Variants in TEX26 observed in about 807,000 individuals in gnomAD.
The protein encoded by TEX26 is testis-expressed protein 26.
A neutral mutation model predicts 35.3 loss-of-function variants in TEX26; 34 were observed. That is an observed-to-expected ratio of 0.96 (90% CI 0.73 to 1.28). The LOEUF is 1.28. TEX26 is among the 50% of genes most tolerant of loss of function. The pLI is 0.00. For missense variants in TEX26, 371 were observed against 330.1 expected (o/e 1.12, Z -0.96); for synonymous variants, 136 against 111.8 (o/e 1.22, Z -1.36).
chr13:30,956,997 T>C lies in TEX26; in HGVS notation c.437T>C (p.Leu146Pro), dbSNP rs758956059. 12 of 1,614,092 alleles carry C rather than the reference T, an allele frequency of 7.4e-6. No homozygotes were observed. The highest frequency in any genetic ancestry group is 1.7e-5 in the Admixed American group (1 of 60,000). The change falls in exon 4 of 7, where the codon CTT becomes CCT. Residue 146 changes from leucine (L) to proline (P), a missense_variant. Physicochemically the swap from Leu to Pro is moderately conservative, Grantham distance 98. Transcript: ENST00000380473. Reference protein sequence around the residue: ...NKALSNQFISLTKRDFVDRSK... With the variant: ...NKALSNQFISPTKRDFVDRSK... ...GCACTATCAAATCAGTTTATTTCCC[T>C]TACTAAGAGAGACTTTGTGGACAGA...
intron 3 of TEX26, among the ~76,000 whole-genome samples, chr13:30,954,673 G>A (rs922851323): frequency 6.6e-6 from 1 of 151,948 alleles, no homozygotes; most frequent in Non-Finnish European, 1.5e-5. Context: ...TCCCAGGCTG[G>A]TCTCAAACTC....
rs79680551 is a variant in TEX26 at position 30,939,971 on chromosome 13, C to T, written c.146+193C>T. Among the ~76,000 whole-genome samples, 388 of 152,252 alleles carry T rather than the reference C, an allele frequency of 2.5e-3. 3 individuals carry two copies. The highest frequency in any genetic ancestry group is 9.0e-3 in the African/African-American group (373 of 41,540). Reference sequence around the variant, plus strand: ...TTCCCCTCAAACAGTATCCACACCTCCTATAGGGAAACCGAGAAAATGGCT... The same window carrying T: ...TTCCCCTCAAACAGTATCCACACCTTCTATAGGGAAACCGAGAAAATGGCT... On this transcript the variant is annotated intron_variant, in intron 2 of 6. Transcript: ENST00000380473.
At chr13:30,960,393 C>G (rs1954291238) in intron 4 of TEX26, among the ~76,000 whole-genome samples, 1 of 152,112 alleles carries the variant, frequency 6.6e-6, no homozygotes, top group Non-Finnish European at 1.5e-5. Flanking sequence ...CAGGCATGCA[C>G]CACCACGTCC....
chr13:30,948,825 T>A (rs1953814123), intron 2 of TEX26, among the ~76,000 whole-genome samples: 1 of 152,256 alleles, frequency 6.6e-6, no homozygotes, highest in African/African-American at 2.4e-5. Flanking sequence ...CATGTCTATG[T>A]CCTGAATGGT....
chr13:30,974,368 A>G (rs558425721), intron 6 of TEX26, among the ~76,000 whole-genome samples: 2 of 152,060 alleles, frequency 1.3e-5, no homozygotes, highest in East Asian at 3.9e-4. Context: ...TATTATCATC[A>G]CTGTTTATTA....
At chr13:30,943,231 TC>T (rs1953579012) in intron 2 of TEX26, among the ~76,000 whole-genome samples, 2 of 152,082 alleles carry the variant, frequency 1.3e-5, no homozygotes, top group African/African-American at 4.8e-5. Flanking sequence ...TTAAGTATAT[TC>T]CTGGGTATTT....
chr13:30,962,738 C>T (rs927183303), intron 4 of TEX26, among the ~76,000 whole-genome samples: 4 of 152,218 alleles, frequency 2.6e-5, no homozygotes, highest in South Asian at 2.1e-4. Context: ...TTTGATGAAT[C>T]AGAGCAGCTG....
At chr13:30,974,096 G>T in intron 6 of TEX26, among the ~76,000 whole-genome samples, 1 of 133,014 alleles carries the variant, frequency 7.5e-6, no homozygotes, top group East Asian at 2.1e-4. Flanking sequence ...CCTCCAGCCT[G>T]GGCAATAGAG....
intron 6 of TEX26, among the ~76,000 whole-genome samples, chr13:30,971,510 G>A (rs959135493): frequency 3.9e-5 from 6 of 152,168 alleles, no homozygotes; most frequent in African/African-American, 1.4e-4. Context: ...GGAGGTGAGG[G>A]TGTGGGAGAG....
Position 30,953,969 on chromosome 13 carries a change from C to T in TEX26, c.312+1144C>T, listed in dbSNP as rs544777251. Among the ~76,000 whole-genome samples the T allele has an allele frequency of 1.6e-4, 25 of 152,268 alleles. No homozygotes were observed. In the South Asian group the frequency reaches 5.0e-3, roughly 30 times the overall value. On this transcript the variant is annotated intron_variant, in intron 3 of 6. Coordinates refer to ENST00000380473, the MANE Select transcript of TEX26 (RefSeq NM_152325.3). ...AGGAAGAGGAAAGTATAATGTTCAA[C>T]TTCTGACTTGGACAGCTGGTGTATG...
In TEX26 at chr13:30,971,922, AATGGCC is replaced by A. The variant is rs1279745885; in HGVS notation, c.808+2880_808+2885del. On this transcript the variant is annotated intron_variant, in intron 6 of 6. Coordinates refer to ENST00000380473, the MANE Select transcript of TEX26 (RefSeq NM_152325.3). ...TCTTCCTCCAACTGAAACTCCCACA[AATGGCC>A]ATGTAAAAGGCATTTCTTCCTAGCC... Among the ~76,000 whole-genome samples the A allele has an allele frequency of 1.2e-4, 19 of 152,262 alleles. No homozygotes were observed. In the East Asian group the frequency reaches 3.7e-3, roughly 29 times the overall value.
chr13:30,961,558 AT>A (rs770233554), intron 4 of TEX26, among the ~76,000 whole-genome samples: 2 of 152,116 alleles, frequency 1.3e-5, no homozygotes, highest in Non-Finnish European at 2.9e-5. Context: ...ATGTGTTAAC[AT>A]TTCTAATCTA....
intron 2 of TEX26, among the ~76,000 whole-genome samples, chr13:30,950,667 A>G (rs934595506): frequency 2.6e-5 from 4 of 152,196 alleles, no homozygotes; most frequent in Non-Finnish European, 5.9e-5. Flanking sequence ...AGCTAAATTC[A>G]GAGCCTCCCC....
intron 4 of TEX26, among the ~76,000 whole-genome samples, chr13:30,959,772 A>G (rs1954269200): frequency 6.6e-6 from 1 of 152,224 alleles, no homozygotes; most frequent in African/African-American, 2.4e-5. Context: ...GGAGTAATGC[A>G]GGAAAAAATT....
chr13:30,945,074 C>T (rs569610965), intron 2 of TEX26, among the ~76,000 whole-genome samples: 85 of 151,896 alleles, frequency 5.6e-4, no homozygotes, highest in African/African-American at 2.1e-3. Context: ...GTGTTGCTGT[C>T]TATCTCATTT....
intron 2 of TEX26, among the ~76,000 whole-genome samples, chr13:30,946,309 A>T (rs73165080): frequency 0.058 from 8,861 of 151,754 alleles, 297 homozygotes; most frequent in Middle Eastern, 0.068. Context: ...GATTTTTTTT[A>T]AAATCTATTT....
chr13:30,963,640 G>A lies in TEX26; in HGVS notation c.470-2582G>A, dbSNP rs533182426. The stretch of plus-strand genomic sequence containing the variant: ...TGTTTCCAGGTTTTTTGGTGTGTGC[G>A]TTCACTCATTAACTTAGTAAATACT... On this transcript the variant is annotated intron_variant, in intron 4 of 6. Coordinates refer to ENST00000380473, the MANE Select transcript of TEX26 (RefSeq NM_152325.3). Among the ~76,000 whole-genome samples the A allele has an allele frequency of 9.9e-4, 151 of 152,268 alleles. 2 individuals carry two copies. Among genetic ancestry groups the A allele is most frequent in the African/African-American group, 3.0e-3 (125 of 41,540 alleles).
At position 30,957,506 on chromosome 13, in the gene TEX26, T is replaced by C. The variant is rs937193883; in HGVS notation, c.469+477T>C. Among the ~76,000 whole-genome samples, 4 of 151,980 alleles carry C rather than the reference T, an allele frequency of 2.6e-5. No homozygotes were observed. The South Asian group carries it at 8.3e-4, about 32-fold the overall frequency. On this transcript the variant is annotated intron_variant, in intron 4 of 6. Transcript: ENST00000380473. ...GTTTGGAGTTCATCCCAGAAGCAAT[T>C]AAGAGGTTTTTATTAAGGTAGTGAC...
At chr13:30,971,858 T>A (rs1954722874) in intron 6 of TEX26, among the ~76,000 whole-genome samples, 1 of 152,202 alleles carries the variant, frequency 6.6e-6, no homozygotes, top group African/African-American at 2.4e-5. Context: ...TGATACCCAG[T>A]TTTCTGTGAA....
Sources: gnomAD v4.1 joint callset for allele counts (sites outside exome capture counted in the v4.1 genomes callset) on GRCh38, gnomAD v4.1.1 for gene constraint, MANE v1.5 for transcripts, NCBI Gene and HGNC (gene_info 2026-07-23, HGNC 2026-07-21) for gene names.